Variants in INPP4B observed in about 807,000 individuals in gnomAD.
INPP4B encodes inositol polyphosphate 4-phosphatase type II.
Under a neutral mutation model 122.5 loss-of-function variants are expected in INPP4B, and 55 were observed. The ratio of observed to expected loss-of-function variants is 0.45; its 90% confidence interval spans 0.36 to 0.56. The LOEUF (loss-of-function observed/expected upper bound fraction) is 0.56. Among genes scored for constraint, INPP4B ranks in the 20% least tolerant of loss-of-function variants. The pLI is 0.00. For missense variants in INPP4B, 1,000 were observed against 1,097.7 expected, an observed-to-expected ratio of 0.91 and a Z score of 1.26; for synonymous variants, 403 against 388.7, an observed-to-expected ratio of 1.04 and a Z score of -0.43.
intron 9 of INPP4B, among the ~76,000 whole-genome samples, chr4:142,285,062 T>C (rs144755275): frequency 2.4e-4 from 36 of 151,984 alleles, no homozygotes; most frequent in Non-Finnish European, 4.0e-4. Context: ...GGACTTCACA[T>C]CAATGACTCG....
At chr4:142,460,242 A>C (rs1816421020) in intron 3 of INPP4B, among the ~76,000 whole-genome samples, 1 of 152,216 alleles carries the variant, frequency 6.6e-6, no homozygotes, top group Non-Finnish European at 1.5e-5. Flanking sequence ...TCACACTAGA[A>C]ACAAGTAAAG....
rs574794684 is a variant in INPP4B, at chr4:142,305,304, C to T, written c.503+154G>A. Among the ~76,000 whole-genome samples the T allele has an allele frequency of 2.6e-5, 4 of 152,250 alleles. No individual in the cohort carries two copies. In the South Asian group the frequency reaches 8.3e-4, roughly 32 times the overall value. On this transcript the variant is annotated intron_variant, in intron 9 of 25. Transcript: ENST00000262992. ...ACTTCAATGCAATTTTGAATAATTG[C>T]TGTTTCACTATAACTTGCTGCAGTG...
intron 8 of INPP4B, among the ~76,000 whole-genome samples, chr4:142,314,054 G>A (rs1347866843): frequency 1.3e-5 from 2 of 152,178 alleles, no homozygotes; most frequent in African/African-American, 2.4e-5. Context: ...GGGCTTCTTA[G>A]ACCTAATTAA....
rs1819643128 is a variant in INPP4B at position 142,160,631 on chromosome 4, A to G, written c.1360-70T>C. ...TCAGCATAGAGCTGTGAAAAGGTCA[A>G]TTGCAGATTTGTTGGTACTTAAGTG... On this transcript the variant is annotated intron_variant, in intron 16 of 25. Coordinates refer to ENST00000262992, the MANE Select transcript of INPP4B (RefSeq NM_001101669.3). 1.0e-5 allele frequency: 12 copies of G among 1,177,256 alleles called. No individual in the cohort carries two copies. The East Asian group carries it at 1.5e-4, about 15-fold the overall frequency. The allele number at this position is 1,177,256 out of a possible 1,614,324, so 72.9% of individuals were successfully genotyped here.
rs1800751789 is a variant in INPP4B at position 142,399,170 on chromosome 4, CTTTCTAAATTTCCTTTTGCTT to C, written c.372+3747_372+3767del. ...AAAGTTTTATGGTGATGTTCTTTTC[CTTTCTAAATTTCCTTTTGCTT>C]TTTTTTTTTTTTTTTTTTTTTTTTG... On this transcript the variant is annotated intron_variant, in intron 7 of 25. Transcript: ENST00000262992. Among the ~76,000 whole-genome samples, 3 of 126,324 alleles carry C rather than the reference CTTTCTAAATTTCCTTTTGCTT, an allele frequency of 2.4e-5. No homozygotes were observed. In the South Asian group the frequency reaches 8.7e-4, roughly 37 times the overall value. 82.9% of individuals were successfully genotyped at this position (126,324 alleles called of 152,430 possible). A position where few individuals can be genotyped will look rare whatever the true frequency, so the allele number is the denominator to read the frequency against.
chr4:142,117,038 A>C (rs2152727639), intron 21 of INPP4B, among the ~76,000 whole-genome samples: 1 of 152,212 alleles, frequency 6.6e-6, no homozygotes, highest in East Asian at 1.9e-4. Flanking sequence ...AAACACCACT[A>C]TGCAAATAAA....
chr4:142,223,046 T>C (rs2149726555), intron 12 of INPP4B, among the ~76,000 whole-genome samples: 1 of 152,288 alleles, frequency 6.6e-6, no homozygotes, highest in East Asian at 1.9e-4. Context: ...ACAATAACCA[T>C]GTGCATATAG....
At chr4:142,318,804 G>C (rs1403731467) in intron 7 of INPP4B, among the ~76,000 whole-genome samples, 1 of 152,098 alleles carries the variant, frequency 6.6e-6, no homozygotes, top group Non-Finnish European at 1.5e-5. Flanking sequence ...AAACCAGGTA[G>C]CATACAGTGG....
At chr4:142,564,034 C>T (rs1270077632) in intron 2 of INPP4B, among the ~76,000 whole-genome samples, 1 of 152,196 alleles carries the variant, frequency 6.6e-6, no homozygotes, top group Non-Finnish European at 1.5e-5. Context: ...TATTTCAAGA[C>T]CCTAAGTTTA....
chr4:142,051,959 A>C (rs1754840594), intron 25 of INPP4B, among the ~76,000 whole-genome samples: 1 of 152,152 alleles, frequency 6.6e-6, no homozygotes, highest in East Asian at 1.9e-4. Flanking sequence ...AGCAATGTGG[A>C]TTCCTTATAG....
intron 12 of INPP4B, among the ~76,000 whole-genome samples, chr4:142,226,184 C>T (rs1851496070): frequency 6.6e-6 from 1 of 152,110 alleles, no homozygotes; most frequent in Admixed American, 6.5e-5. Context: ...TCAACCCAAG[C>T]TTGAAGGACT....
intron 25 of INPP4B, among the ~76,000 whole-genome samples, chr4:142,043,150 T>A (rs944552184): frequency 3.3e-5 from 5 of 152,182 alleles, no homozygotes; most frequent in African/African-American, 4.8e-5. Context: ...TTTTCCCACT[T>A]CTATTTCCTA....
chr4:142,222,797 T>C (rs1411291638), intron 12 of INPP4B, among the ~76,000 whole-genome samples: 1 of 152,214 alleles, frequency 6.6e-6, no homozygotes, highest in Non-Finnish European at 1.5e-5. Flanking sequence ...TCAGCATACC[T>C]ATGAAGTGTG....
intron 7 of INPP4B, among the ~76,000 whole-genome samples, chr4:142,369,664 T>C (rs1403334027): frequency 1.3e-5 from 2 of 151,502 alleles, no homozygotes; most frequent in African/African-American, 2.4e-5. Flanking sequence ...CAGTGGCTCA[T>C]GCCTGTAATC....
chr4:142,109,135 C>G (rs1183723545), intron 22 of INPP4B, among the ~76,000 whole-genome samples: 1 of 110,698 alleles, frequency 9.0e-6, no homozygotes, highest in African/African-American at 2.5e-5. Context: ...CTCTGGTAAC[C>G]CTTCCTTTTT....
chr4:142,613,421 T>C (rs1158733502), intron 2 of INPP4B, among the ~76,000 whole-genome samples: 6 of 152,208 alleles, frequency 3.9e-5, no homozygotes, highest in Non-Finnish European at 7.3e-5. Context: ...ACTAAAAGAC[T>C]GTTACATGCT....
intron 22 of INPP4B, among the ~76,000 whole-genome samples, chr4:142,109,665 T>G (rs1314888423): frequency 6.6e-6 from 1 of 152,202 alleles, no homozygotes; most frequent in Non-Finnish European, 1.5e-5. Flanking sequence ...GCTCATCTCC[T>G]CTATGATACT....
intron 2 of INPP4B, among the ~76,000 whole-genome samples, chr4:142,626,718 G>T (rs966148904): frequency 1.3e-5 from 2 of 151,832 alleles, no homozygotes; most frequent in East Asian, 1.9e-4. Context: ...GTAAGAATTT[G>T]CTACCCAATA....
chr4:142,206,755 C>T (rs1443833973), intron 14 of INPP4B, among the ~76,000 whole-genome samples: 5 of 152,066 alleles, frequency 3.3e-5, no homozygotes, highest in Admixed American at 6.6e-5. Flanking sequence ...CCAAAAGTTT[C>T]GTCTTACTCT....
Sources: gnomAD v4.1 joint callset for allele counts (sites outside exome capture counted in the v4.1 genomes callset) on GRCh38, gnomAD v4.1.1 for gene constraint, MANE v1.5 for transcripts, NCBI Gene and HGNC (gene_info 2026-07-23, HGNC 2026-07-21) for gene names.